The following TTC23L variants were observed in gnomAD, a reference collection of about 807,000 sequenced individuals.
TTC23L encodes tetratricopeptide repeat protein 23-like.
TTC23L carries 42 observed loss-of-function variants against 48.1 expected under a neutral mutation model. That is an observed-to-expected ratio of 0.87 (90% CI 0.68 to 1.13). TTC23L has a LOEUF of 1.13. Among genes scored for constraint, TTC23L ranks in the 50% most tolerant of loss-of-function variants. The pLI, the probability that TTC23L is intolerant of heterozygous loss-of-function variation, is 0.00. For missense variants in TTC23L, 391 were observed against 421.0 expected, an observed-to-expected ratio of 0.93 and a Z score of 0.62; for synonymous variants, 159 against 157.2, an observed-to-expected ratio of 1.01 and a Z score of -0.09.
At chr5:34,914,814 G>C in the TTC23L span, 1 of 1,614,222 alleles carries the variant, frequency 6.2e-7, no homozygotes, top group Non-Finnish European at 8.5e-7. Flanking sequence ...ATAGTGGAGA[G>C]ATTCCTAACG....
At chr5:34,874,929 A>G (rs1761724028) in intron 8 of TTC23L, among the ~76,000 whole-genome samples, 2 of 152,210 alleles carry the variant, frequency 1.3e-5, no homozygotes, top group South Asian at 4.1e-4. Context: ...GAGTGATCAA[A>G]AAACAACGCC....
chr5:34,881,192 A>G lies in TTC23L; in HGVS notation c.1077+884A>G, dbSNP rs567258373. Among the ~76,000 whole-genome samples the G allele has an allele frequency of 1.3e-3, 198 of 152,368 alleles. 1 individual carries two copies. The highest frequency in any genetic ancestry group is 4.5e-3 in the African/African-American group (187 of 41,590). On this transcript the variant is annotated intron_variant, in intron 9 of 10. Transcript: ENST00000505624. ...CATGATCTCTGGCATTGTAAATTTA[A>G]TATTTTAAGTCAAAATTGGCTTCCA... is the stretch of plus-strand genomic sequence containing the variant.
chr5:34,913,961 C>T, the TTC23L span: 1 of 457,420 alleles, frequency 2.2e-6, no homozygotes, highest in South Asian at 1.5e-5. Context: ...CTCAAGCGAT[C>T]TTCGTGCTTC....
At chr5:34,846,965 G>A (rs1759255227) in intron 3 of TTC23L, among the ~76,000 whole-genome samples, 1 of 152,064 alleles carries the variant, frequency 6.6e-6, no homozygotes, top group South Asian at 2.1e-4. Context: ...CTCAGAGCAG[G>A]TTTGTAAGCA....
At chr5:34,887,862 GC>G (rs1473297714) in intron 9 of TTC23L, among the ~76,000 whole-genome samples, 1 of 152,176 alleles carries the variant, frequency 6.6e-6, no homozygotes, top group Non-Finnish European at 1.5e-5. Context: ...AAAGACCATA[GC>G]ATATACATTG....
At chr5:34,916,752 G>A in the TTC23L span, 6 of 152,222 alleles carry the variant, frequency 3.9e-5, no homozygotes, top group African/African-American at 1.4e-4. Flanking sequence ...GACCCCGTGT[G>A]GTGTGATGGC....
At position 34,866,815 on chromosome 5, in the gene TTC23L, C is replaced by A. The variant is rs187345846; in HGVS notation, c.663-77C>A. On this transcript the variant is annotated intron_variant, in intron 6 of 10. Coordinates refer to ENST00000505624, the Ensembl canonical transcript of TTC23L. ...CCTGTGAAGGCCAAATTCTTTAATT[C>A]TTGGAATCAGTTCCTTTTGTGTCTG... The A allele has an allele frequency of 3.6e-3, 4,964 of 1,385,198 alleles. 17 individuals carry two copies. Among genetic ancestry groups the A allele is most frequent in the Non-Finnish European group, 4.4e-3 (4,580 of 1,036,582 alleles). 85.8% of individuals were successfully genotyped at this position (1,385,198 alleles called of 1,614,324 possible).
chr5:34,911,829 T>A, the TTC23L span: 14 of 1,613,128 alleles, frequency 8.7e-6, 1 homozygote, highest in South Asian at 1.5e-4. Flanking sequence ...TGGAAAGAAG[T>A]CATACTTGGC....
intron 8 of TTC23L, among the ~76,000 whole-genome samples, chr5:34,878,113 C>T (rs114824664): frequency 0.011 from 1,630 of 152,294 alleles, 10 homozygotes; most frequent in African/African-American, 0.014. Context: ...ATACCATTTA[C>T]ATTAGCACTC....
At chr5:34,864,880 T>C (rs1760941716) in intron 6 of TTC23L, among the ~76,000 whole-genome samples, 1 of 152,220 alleles carries the variant, frequency 6.6e-6, no homozygotes, top group Non-Finnish European at 1.5e-5. Context: ...CACTAACTCT[T>C]AGTCTTCCTT....
intron 8 of TTC23L, among the ~76,000 whole-genome samples, chr5:34,873,626 C>T (rs1329699644): frequency 1.3e-5 from 2 of 152,170 alleles, no homozygotes; most frequent in Non-Finnish European, 1.5e-5. Flanking sequence ...TGCATGTTGA[C>T]ACTAGCCTGA....
At chr5:34,892,605 G>A (rs1249438275) in intron 9 of TTC23L, among the ~76,000 whole-genome samples, 1 of 152,146 alleles carries the variant, frequency 6.6e-6, no homozygotes, top group African/African-American at 2.4e-5. Flanking sequence ...TAAAGGAAAA[G>A]GGCAAGTAAT....
intron 9 of TTC23L, among the ~76,000 whole-genome samples, chr5:34,885,094 T>A (rs1258410192): frequency 2.0e-5 from 3 of 152,216 alleles, no homozygotes; most frequent in Non-Finnish European, 4.4e-5. Flanking sequence ...CTTTGTCCTA[T>A]GAATAATTTC....
At chr5:34,912,771 G>A in the TTC23L span, among the ~76,000 whole-genome samples, 4 of 152,084 alleles carry the variant, frequency 2.6e-5, no homozygotes, top group East Asian at 1.9e-4. Context: ...AGACTGAGGC[G>A]GGCAGATCAC....
chr5:34,918,781 T>A, the TTC23L span: 2 of 208,644 alleles, frequency 9.6e-6, no homozygotes, highest in Non-Finnish European at 1.9e-5. Flanking sequence ...TGGTTTGTCC[T>A]AAGTGCTAAG....
intron 4 of TTC23L, among the ~76,000 whole-genome samples, chr5:34,859,848 T>C (rs865850410): frequency 0.11 from 14,926 of 138,106 alleles, 1,340 homozygotes; most frequent in African/African-American, 0.27. Context: ...TTCTTTTTTT[T>C]TTTTTTTTTT....
intron 4 of TTC23L, among the ~76,000 whole-genome samples, chr5:34,862,520 C>G (rs1760752044): frequency 6.6e-6 from 1 of 152,082 alleles, no homozygotes; most frequent in African/African-American, 2.4e-5. Context: ...TTGAAAAGGT[C>G]ACATGGCATT....
At chr5:34,849,407 A>G (rs1759482277) in intron 3 of TTC23L, among the ~76,000 whole-genome samples, 1 of 152,224 alleles carries the variant, frequency 6.6e-6, no homozygotes, top group Non-Finnish European at 1.5e-5. Flanking sequence ...GGACATGATG[A>G]GACACCATGA....
chr5:34,875,950 G>A (rs115794236), intron 8 of TTC23L, among the ~76,000 whole-genome samples: 178 of 152,244 alleles, frequency 1.2e-3, no homozygotes, highest in African/African-American at 4.1e-3. Context: ...TCAGACCACA[G>A]TGGAATTAAA....
Sources: gnomAD v4.1 joint callset for allele counts (sites outside exome capture counted in the v4.1 genomes callset) on GRCh38, gnomAD v4.1.1 for gene constraint, MANE v1.5 for transcripts, NCBI Gene and HGNC (gene_info 2026-07-23, HGNC 2026-07-21) for gene names.